The following LGR6 variants were observed in gnomAD, a reference collection of about 807,000 sequenced individuals.
LGR6 encodes leucine rich repeat containing G protein-coupled receptor 6, also known as leucine-rich repeat-containing G protein-coupled receptor 6.
A neutral mutation model predicts 69.4 loss-of-function variants in LGR6; 45 were observed. The ratio of observed to expected loss-of-function variants is 0.65; its 90% CI spans 0.51 to 0.83. The LOEUF (loss-of-function observed/expected upper bound fraction) is 0.83. LGR6 is among the 40% of genes least tolerant of loss of function. The pLI, the probability that LGR6 is intolerant of heterozygous loss-of-function variation, is 0.00. For missense variants in LGR6, 1,108 were observed against 1,246.7 expected, an observed-to-expected ratio of 0.89 and a Z score of 1.68; for synonymous variants, 538 against 555.0, an observed-to-expected ratio of 0.97 and a Z score of 0.43.
intron 1 of LGR6, among the ~76,000 whole-genome samples, chr1:202,214,809 T>C (rs1366115764): frequency 6.6e-6 from 1 of 152,126 alleles, no homozygotes; most frequent in African/African-American, 2.4e-5. Flanking sequence ...ACCTCATCTG[T>C]AAAATGGGTC....
At chr1:202,226,347 T>G (rs1280124124) in intron 2 of LGR6, among the ~76,000 whole-genome samples, 1 of 152,158 alleles carries the variant, frequency 6.6e-6, no homozygotes, top group African/African-American at 2.4e-5. Flanking sequence ...TCAAACTGAG[T>G]GTTACAGCTC....
At chr1:202,302,530 A>T (rs1572000504) in intron 9 of LGR6, among the ~76,000 whole-genome samples, 1 of 152,138 alleles carries the variant, frequency 6.6e-6, no homozygotes, top group South Asian at 2.1e-4. Context: ...GCAGTTTAAG[A>T]GAACTGATAG....
chr1:202,304,516 G>A, intron 10 of LGR6, 43 bp from the exon 11 acceptor site: 2 of 1,476,214 alleles, frequency 1.4e-6, no homozygotes, highest in South Asian at 1.2e-5. Flanking sequence ...GGAATGGCAG[G>A]GCCCTGGGCC....
At chr1:202,297,655 C>A in intron 7 of LGR6, 79 bp downstream of exon 7, 2 of 1,081,982 alleles carry the variant, frequency 1.8e-6, no homozygotes, top group Non-Finnish European at 2.8e-6. Context: ...CTGCCTCATG[C>A]TCTTACCTCC....
chr1:202,226,331 A>C (rs2147955804), intron 2 of LGR6, among the ~76,000 whole-genome samples: 1 of 152,284 alleles, frequency 6.6e-6, no homozygotes, highest in African/African-American at 2.4e-5. Flanking sequence ...ATTTTGCTTA[A>C]ACTTCTCAAA....
At position 202,273,709 on chromosome 1, in the gene LGR6, G is replaced by C. The variant is rs549734308; in HGVS notation, c.429-2597G>C. On this transcript the variant is annotated intron_variant, in intron 4 of 17. Coordinates refer to ENST00000367278, the MANE Select transcript of LGR6 (RefSeq NM_001017403.2). ...GACATCAGGTGATCCGCCCACCTCA[G>C]CCTCCCAAAATGCTGGGATTACAGG... Among the ~76,000 whole-genome samples, 324 of 152,128 alleles carry C rather than the reference G, an allele frequency of 2.1e-3. 1 individual carries two copies. The highest frequency in any genetic ancestry group is 7.6e-3 in the African/African-American group (316 of 41,484).
At chr1:202,229,554 G>A (rs1229472677) in intron 3 of LGR6, among the ~76,000 whole-genome samples, 1 of 152,236 alleles carries the variant, frequency 6.6e-6, no homozygotes, top group East Asian at 1.9e-4. Context: ...CCATTCCTAA[G>A]ACTCCGGCTT....
chr1:202,310,156 A>G (rs1407297468), intron 15 of LGR6, 41 bp from the exon 16 acceptor site: 1 of 1,607,696 alleles, frequency 6.2e-7, no homozygotes, highest in Non-Finnish European at 8.5e-7. Flanking sequence ...TAGACCCCAA[A>G]GATGCTGAGG....
intron 10 of LGR6, among the ~76,000 whole-genome samples, chr1:202,303,927 T>C (rs143747779): frequency 5.6e-4 from 85 of 152,252 alleles, no homozygotes; most frequent in African/African-American, 2.0e-3. Flanking sequence ...CCCGCTAGAT[T>C]CACTGGCATG....
In LGR6 at chr1:202,221,668, C is replaced by T. The variant is rs532535425; in HGVS notation, c.213-3755C>T. 3.3e-5 allele frequency among the ~76,000 whole-genome samples: 5 copies of T among 152,198 alleles called. No homozygotes were observed. In the South Asian group the frequency reaches 8.3e-4, roughly 25 times the overall value. ...CATAGGTACAGATAAACACATGTGC[C>T]CTCACACATGACACACACATGCCCA... On this transcript the variant is annotated intron_variant, in intron 1 of 17. Transcript: ENST00000367278.
chr1:202,213,540 G>A (rs772845871), intron 1 of LGR6, among the ~76,000 whole-genome samples: 1 of 152,138 alleles, frequency 6.6e-6, no homozygotes, highest in South Asian at 2.1e-4. Flanking sequence ...CTAAGGGCAG[G>A]GCTGACCCAG....
intron 4 of LGR6, among the ~76,000 whole-genome samples, chr1:202,251,258 G>A (rs1405157491): frequency 6.6e-6 from 1 of 152,158 alleles, no homozygotes; most frequent in African/African-American, 2.4e-5. Context: ...GAGCCTGCAC[G>A]CTCGTATGTG....
chr1:202,276,621 T>C, intron 5 of LGR6, 100 bp downstream of exon 5: 1 of 980,794 alleles, frequency 1.0e-6, no homozygotes, highest in South Asian at 1.6e-5. Context: ...GCTTTGCTCT[T>C]CTTTGCATGT....
chr1:202,313,716 A>G (rs1022584510), intron 16 of LGR6, among the ~76,000 whole-genome samples: 2 of 152,196 alleles, frequency 1.3e-5, no homozygotes, highest in Non-Finnish European at 2.9e-5. Context: ...TTTCTAATTG[A>G]TACATAATAA....
chr1:202,289,716 C>G (rs975594574), intron 6 of LGR6, among the ~76,000 whole-genome samples: 5 of 152,168 alleles, frequency 3.3e-5, no homozygotes, highest in African/African-American at 1.2e-4. Context: ...TCATCTGCCC[C>G]AAGCACGTGG....
intron 5 of LGR6, among the ~76,000 whole-genome samples, chr1:202,279,021 G>A (rs947785027): frequency 2.0e-5 from 3 of 152,294 alleles, no homozygotes; most frequent in East Asian, 1.9e-4. Context: ...TTGAATGAGT[G>A]GTTTAGGGGA....
intron 15 of LGR6, 147 bp downstream of exon 15, chr1:202,309,323 A>G (rs532241770): frequency 5.4e-5 from 48 of 889,262 alleles, no homozygotes; most frequent in African/African-American, 5.1e-4. Context: ...CTGACCACCT[A>G]CAGACCAAGA....
intron 6 of LGR6, among the ~76,000 whole-genome samples, chr1:202,289,845 T>C (rs911287811): frequency 2.6e-5 from 4 of 152,356 alleles, no homozygotes; most frequent in Admixed American, 6.5e-5. Flanking sequence ...ATTCAGAGTT[T>C]ACAATCTCTC....
In LGR6 at chr1:202,309,148, T is replaced by C; in HGVS notation, c.1378T>C (p.Phe460Leu). ...LKGNLALSQA[F>L]SKDSFPKLRI... is the part of the protein sequence containing the mutation. Reference sequence around the variant, plus strand: ...AGGGAACCTTGCTCTCTCCCAGGCCTTCTCCAAGGACAGTTTCCCAAAACT... The same window carrying C: ...AGGGAACCTTGCTCTCTCCCAGGCCCTCTCCAAGGACAGTTTCCCAAAACT... The change falls in exon 15 of 18, where the codon TTC becomes CTC. Residue 460 changes from phenylalanine to leucine, a missense_variant. Physicochemically the swap from Phe to Leu is conservative, Grantham distance 22. Transcript: ENST00000367278. 6.2e-7 allele frequency: 1 copy of C among 1,614,126 alleles called. No individual in the cohort carries two copies. Among genetic ancestry groups the C allele is most frequent in the Non-Finnish European group, 8.5e-7 (1 of 1,179,986 alleles).
Sources: allele counts gnomAD v4.1 joint callset (sites outside exome capture counted in the v4.1 genomes callset), GRCh38; gene constraint gnomAD v4.1.1; transcripts MANE v1.5; gene names NCBI Gene and HGNC (gene_info 2026-07-23, HGNC 2026-07-21).